Variants in MARS1 observed in about 807,000 individuals in gnomAD.
MARS1 encodes methionyl-tRNA synthetase 1.
MARS1 carries 80 observed loss-of-function variants against 119.5 expected under a neutral mutation model. The ratio of observed to expected loss-of-function variants is 0.67; its 90% CI spans 0.56 to 0.81. The LOEUF is 0.81. MARS1 is among the 30% of genes least tolerant of loss of function. The probability of loss-of-function intolerance (pLI) is 0.00; values close to 1 mark genes in which losing one functional copy is unlikely to be tolerated. For missense variants in MARS1, 945 were observed against 1,116.5 expected, an observed-to-expected ratio of 0.85 and a Z score of 2.19; for synonymous variants, 418 against 433.4, an observed-to-expected ratio of 0.96 and a Z score of 0.44.
chr12:57,516,577 A>T lies in MARS1; in HGVS notation c.2699A>T (p.Lys900Met), dbSNP rs1877852381. Reference sequence around the variant, plus strand: ...GAAGCCCCTAAAGGCAAGAAGAAAAAGTAAAAGACCTTGGCTCATAGAAAG... The same window carrying T: ...GAAGCCCCTAAAGGCAAGAAGAAAATGTAAAAGACCTTGGCTCATAGAAAG... ...PPEAPKGKKK[K>M] is the part of the protein sequence containing the mutation. The change falls in exon 21 of 21, where the codon AAG (lysine) becomes ATG (methionine). Residue 900 changes from lysine (K) to methionine (M), a missense_variant. Transcript: ENST00000262027. 1 of 1,572,368 alleles carries T rather than the reference A, an allele frequency of 6.4e-7. No homozygotes were observed. Among genetic ancestry groups the T allele is most frequent in the South Asian group, 1.2e-5 (1 of 84,330 alleles).
intron 14 of MARS1, 46 bp downstream of exon 14, chr12:57,512,399 G>C: frequency 7.5e-7 from 1 of 1,340,796 alleles, no homozygotes; most frequent in Non-Finnish European, 1.1e-6. Flanking sequence ...TAGGAAATGA[G>C]GGGTGAGGCA....
chr12:57,498,468 T>A lies in MARS1; in HGVS notation c.936T>A (p.Asp312Glu). ...ACACCCTCTATCTGTGTGGGACAGA[T>A]GAGTATGGTACAGCAACAGAGACCA... The part of the protein sequence containing the change: ...QWNTLYLCGT[D>E]EYGTATETKA... Residue 312 changes from aspartate to glutamate, a missense_variant, in exon 9 of 21, where the codon GAT becomes GAA. Physicochemically the swap from Asp to Glu is conservative, Grantham distance 45. Transcript: ENST00000262027. The A allele has an allele frequency of 6.2e-7, 1 of 1,614,170 alleles. No homozygotes were observed. Among genetic ancestry groups the A allele is most frequent in the Non-Finnish European group, 8.5e-7 (1 of 1,180,042 alleles).
chr12:57,495,435 A>G (rs1392828371), intron 7 of MARS1, among the ~76,000 whole-genome samples: 1 of 148,840 alleles, frequency 6.7e-6, no homozygotes, highest in East Asian at 2.0e-4. Context: ...CCCACATCTC[A>G]GACCATGGGC....
chr12:57,493,868 TAATATATATAA>T (rs1876402915), intron 7 of MARS1, among the ~76,000 whole-genome samples: 1 of 5,240 alleles, frequency 1.9e-4, no homozygotes, highest in Non-Finnish European at 4.7e-3. Context: ...TTATATTATA[TAATATATATAA>T]TATATAATAT....
Position 57,489,264 on chromosome 12 carries a change from C to T in MARS1, c.201-3C>T, listed in dbSNP as rs374880860. On this transcript the variant is annotated splice_polypyrimidine_tract_variant and splice_region_variant and intron_variant, in intron 2 of 20. Transcript: ENST00000262027. The stretch of plus-strand genomic sequence containing the variant: ...CATCATCTGTTGCTCTCTCTCTGGG[C>T]AGATATTTTTTTTTGTTATCTGGCT... 2.5e-5 allele frequency: 41 copies of T among 1,613,538 alleles called. No individual in the cohort carries two copies. Among genetic ancestry groups the T allele is most frequent in the Non-Finnish European group, 3.3e-5 (39 of 1,179,956 alleles).
At chr12:57,509,742 C>T (rs930423592) in intron 11 of MARS1, among the ~76,000 whole-genome samples, 17 of 152,240 alleles carry the variant, frequency 1.1e-4, no homozygotes, top group African/African-American at 3.9e-4. Context: ...ACACTGACAC[C>T]TGCAATTTCA....
At chr12:57,504,665 C>T (rs1256630165) in intron 11 of MARS1, among the ~76,000 whole-genome samples, 1 of 151,078 alleles carries the variant, frequency 6.6e-6, no homozygotes, top group African/African-American at 2.4e-5. Flanking sequence ...AATCCTCTCA[C>T]CTCAGCCTCC....
chr12:57,510,856 C>T (rs1877479983), intron 11 of MARS1, among the ~76,000 whole-genome samples: 1 of 152,076 alleles, frequency 6.6e-6, no homozygotes, highest in Non-Finnish European at 1.5e-5. Context: ...GGGAGAATTG[C>T]TTGACCCCAG....
intron 7 of MARS1, among the ~76,000 whole-genome samples, chr12:57,493,508 TATATAATATATAATATATTATAATATATA>T (rs1876195639): frequency 1.9e-3 from 4 of 2,076 alleles, no homozygotes; most frequent in Admixed American, 0.023. Context: ...TAATATATAA[TATATAATATATAATATATTATAATATATA>T]ATATATTATA....
chr12:57,498,913 A>G (rs569194420), intron 9 of MARS1, among the ~76,000 whole-genome samples: 7 of 152,136 alleles, frequency 4.6e-5, no homozygotes, highest in Non-Finnish European at 8.8e-5. Context: ...CCTGAAGTCT[A>G]AGACACTTCT....
Position 57,493,440 on chromosome 12 carries a change from ACATAAT to A in MARS1, c.770+2797_770+2802del, listed in dbSNP as rs1876147585. The stretch of plus-strand genomic sequence containing the variant: ...TATTATATGATATGTATAATATATT[ACATAAT>A]ATATAATATATTATAATATATAATA... On this transcript the variant is annotated intron_variant, in intron 7 of 20. Transcript: ENST00000262027. Among the ~76,000 whole-genome samples, 18 of 14,230 alleles carry A rather than the reference ACATAAT, an allele frequency of 1.3e-3. 4 individuals are homozygous for A. The highest frequency in any genetic ancestry group is 5.5e-3 in the South Asian group (3 of 548). 9.3% of individuals were successfully genotyped at this position (14,230 alleles called of 152,430 possible). A position where few individuals can be genotyped will look rare whatever the true frequency, so the allele number is the denominator to read the frequency against.
intron 10 of MARS1, among the ~76,000 whole-genome samples, chr12:57,501,373 G>A (rs773250800): frequency 1.3e-5 from 2 of 152,222 alleles, no homozygotes; most frequent in Non-Finnish European, 2.9e-5. Flanking sequence ...ATGGATGGCA[G>A]GGAAGCAAGA....
intron 11 of MARS1, among the ~76,000 whole-genome samples, chr12:57,506,421 C>T (rs940130573): frequency 3.4e-4 from 51 of 152,166 alleles, no homozygotes; most frequent in Middle Eastern, 3.4e-3. Context: ...AAAGTGAGAC[C>T]CTGTCTCAAA....
In MARS1 at chr12:57,512,117, G is replaced by C; in HGVS notation, c.1635+14G>C. ...AACCCAGAGCAAGTGAGCAGTTCTT[G>C]GTTAGGCTGTGCATGGGGAGGGTAG... On this transcript the variant is annotated intron_variant, in intron 13 of 20. Transcript: ENST00000262027. 1 of 1,613,598 alleles carries C rather than the reference G, an allele frequency of 6.2e-7. No individual in the cohort carries two copies. Among genetic ancestry groups the C allele is most frequent in the Non-Finnish European group, 8.5e-7 (1 of 1,179,474 alleles).
rs1335351549 is a variant in MARS1, at chr12:57,494,715, G to T, written c.771-3442G>T. Among the ~76,000 whole-genome samples the T allele has an allele frequency of 2.6e-5, 4 of 151,700 alleles. No homozygotes were observed. The East Asian group carries it at 7.7e-4, about 29-fold the overall frequency. On this transcript the variant is annotated intron_variant, in intron 7 of 20. Coordinates refer to ENST00000262027, the MANE Select transcript of MARS1 (RefSeq NM_004990.4). The stretch of plus-strand genomic sequence containing the variant: ...TTAGGGAGTGGTGATGACTCTTAAC[G>T]AGCATGCTGCCTTCAAGCATCTGCT...
In MARS1 at chr12:57,488,116, T is replaced by C; in HGVS notation, c.26T>C (p.Val9Ala). 1 of 1,614,172 alleles carries C rather than the reference T, an allele frequency of 6.2e-7. No homozygotes were observed. The highest frequency in any genetic ancestry group is 8.5e-7 in the Non-Finnish European group (1 of 1,180,030). The change falls in exon 1 of 21, where the codon GTC becomes GCC. Residue 9 changes from valine to alanine, a missense_variant. Val to Ala is a moderately conservative substitution (Grantham distance 64). Coordinates refer to ENST00000262027, the MANE Select transcript of MARS1 (RefSeq NM_004990.4). The stretch of plus-strand genomic sequence containing the variant: ...ATGAGACTGTTCGTGAGTGATGGCG[T>C]CCCGGGTTGCTTGCCGGTGCTGGCC... MRLFVSDG[V>A]PGCLPVLAAA...
intron 11 of MARS1, among the ~76,000 whole-genome samples, chr12:57,509,469 C>T (rs781519066): frequency 5.9e-5 from 9 of 152,158 alleles, no homozygotes; most frequent in Non-Finnish European, 1.3e-4. Context: ...TGCAGTGGCA[C>T]TATCTTGGCT....
chr12:57,503,200 A>G (rs1877013517), intron 10 of MARS1, among the ~76,000 whole-genome samples: 1 of 151,776 alleles, frequency 6.6e-6, no homozygotes, highest in African/African-American at 2.4e-5. Context: ...TGCCACACAA[A>G]TAAATTTATT....
rs771664576 is a variant in MARS1, at chr12:57,514,739, A to G, written c.1987A>G (p.Lys663Glu). ...ACCAAGAGCTGGGATGTTTGTGTCT[A>G]AGTTCTTTGGGGGCTATGTGCCTGA... is the stretch of plus-strand genomic sequence containing the variant. ...FINRAGMFVS[K>E]FFGGYVPEMV... Residue 663 changes from lysine (K) to glutamate (E), a missense_variant, in exon 16 of 21, where the codon AAG becomes GAG. By Grantham distance (56) the Lys-to-Glu change is moderately conservative. Transcript: ENST00000262027. The G allele has an allele frequency of 2.5e-6, 4 of 1,613,948 alleles. No individual in the cohort carries two copies. Among genetic ancestry groups the G allele is most frequent in the Admixed American group, 1.7e-5 (1 of 59,988 alleles).
Sources: allele counts gnomAD v4.1 joint callset (sites outside exome capture counted in the v4.1 genomes callset), GRCh38; gene constraint gnomAD v4.1.1; transcripts MANE v1.5; gene names NCBI Gene and HGNC (gene_info 2026-07-23, HGNC 2026-07-21).